Variants in ARID1B observed in about 807,000 individuals in gnomAD.
The protein encoded by ARID1B is AT-rich interactive domain-containing protein 1B.
Under a neutral mutation model 212.3 loss-of-function variants are expected in ARID1B, and 30 were observed. The ratio of observed to expected loss-of-function variants is 0.14; its 90% CI spans 0.11 to 0.19. ARID1B has a LOEUF of 0.19. Ranked by LOEUF, ARID1B falls within the 10% of genes least tolerant of loss-of-function variation. The pLI is 1.00. For synonymous variants in ARID1B, 1,402 were observed against 1,301.7 expected (o/e 1.08, Z -1.66); for missense variants, 2,891 against 3,204.0 (o/e 0.90, Z 2.36).
intron 6 of ARID1B, among the ~76,000 whole-genome samples, chr6:157,127,805 A>AC (rs1188621241): frequency 7.0e-5 from 10 of 143,540 alleles, no homozygotes; most frequent in Non-Finnish European, 1.0e-4. Flanking sequence ...AAAAAAAAAA[A>AC]ACAAAAATTA....
At chr6:156,989,231 T>C (rs574863050) in intron 4 of ARID1B, among the ~76,000 whole-genome samples, 3 of 152,198 alleles carry the variant, frequency 2.0e-5, no homozygotes, top group Non-Finnish European at 4.4e-5. Flanking sequence ...CCACACTATG[T>C]CTCTACTCCC....
chr6:156,825,090 C>G (rs1174872864), intron 1 of ARID1B, among the ~76,000 whole-genome samples: 2 of 152,120 alleles, frequency 1.3e-5, no homozygotes, highest in Non-Finnish European at 2.9e-5. Flanking sequence ...GTCTTGAACT[C>G]CTGAGCTCAG....
intron 1 of ARID1B, among the ~76,000 whole-genome samples, chr6:156,821,561 C>T (rs1352951857): frequency 2.0e-5 from 3 of 152,212 alleles, no homozygotes; most frequent in Non-Finnish European, 4.4e-5. Flanking sequence ...ATGTACATCA[C>T]TTACGGACCC....
intron 3 of ARID1B, among the ~76,000 whole-genome samples, chr6:156,908,790 A>G (rs1789617902): frequency 6.6e-6 from 1 of 151,906 alleles, no homozygotes. Flanking sequence ...CTGGGTTTGC[A>G]TTCTGTTTCC....
chr6:156,922,991 C>T (rs1265275832), intron 3 of ARID1B, among the ~76,000 whole-genome samples: 1 of 152,164 alleles, frequency 6.6e-6, no homozygotes, highest in Non-Finnish European at 1.5e-5. Flanking sequence ...GGCTTGGGTT[C>T]TTGGAGCAAG....
At position 156,778,101 on chromosome 6, in the gene ARID1B, G is replaced by A. The variant is rs772615576; in HGVS notation, c.421G>A (p.Ala141Thr). 1.5e-5 allele frequency: 23 copies of A among 1,540,714 alleles called. No homozygotes were observed. In the South Asian group the frequency reaches 2.5e-4, roughly 17 times the overall value. The part of the protein sequence containing the change: ...SSSSSSGPGS[A>T]METGLLPNHK... Reference sequence around the variant, plus strand: ...TTCCTCCTCGTCGGGCCCGGGCTCGGCCATGGAGACGGGGCTGCTCCCCAA... The same window carrying A: ...TTCCTCCTCGTCGGGCCCGGGCTCGACCATGGAGACGGGGCTGCTCCCCAA... Residue 141 changes from alanine (A) to threonine (T), a missense_variant, in exon 1 of 20, where the codon GCC becomes ACC. By Grantham distance (58) the Ala-to-Thr change is moderately conservative (BLOSUM62 0). Transcript: ENST00000636930.
At chr6:156,992,489 AT>A (rs1778327458) in intron 4 of ARID1B, among the ~76,000 whole-genome samples, 2 of 152,186 alleles carry the variant, frequency 1.3e-5, no homozygotes, top group African/African-American at 4.8e-5. Flanking sequence ...GTTCTAAGAT[AT>A]GTGTTTTCAG....
In ARID1B at chr6:157,203,374, C is replaced by A. The variant is rs1794236514; in HGVS notation, c.5264-492C>A. On this transcript the variant is annotated intron_variant, in intron 18 of 19. Coordinates refer to ENST00000636930, the MANE Select transcript of ARID1B (RefSeq NM_001374828.1). The surrounding 1 kb of genome is among the most constrained non-coding windows in gnomAD (Gnocchi z 4.4). The stretch of plus-strand genomic sequence containing the variant: ...GACTAGAGGAAAGCAGCCTGGGAAG[C>A]CAAGGCCGTGTGTCTGAGGAGGCTG... 6.6e-6 allele frequency among the ~76,000 whole-genome samples: 1 copy of A among 152,216 alleles called. No homozygotes were observed.
At chr6:156,921,066 C>A (rs1202676615) in intron 3 of ARID1B, among the ~76,000 whole-genome samples, 2 of 151,958 alleles carry the variant, frequency 1.3e-5, no homozygotes, top group African/African-American at 4.8e-5. Flanking sequence ...TTACCAGTTG[C>A]CAAATATTTG....
chr6:157,000,960 G>T (rs904233243), intron 4 of ARID1B, among the ~76,000 whole-genome samples: 1 of 152,014 alleles, frequency 6.6e-6, no homozygotes, highest in Admixed American at 6.5e-5. Flanking sequence ...CTCCAAAAGG[G>T]CTGGTATTAC....
intron 4 of ARID1B, among the ~76,000 whole-genome samples, chr6:156,971,740 C>G (rs776449148): frequency 5.3e-5 from 8 of 152,174 alleles, no homozygotes; most frequent in Non-Finnish European, 1.2e-4. Context: ...CTGTGGAGCT[C>G]ATGGCACCTT....
intron 2 of ARID1B, among the ~76,000 whole-genome samples, chr6:156,829,900 A>G (rs988451685): frequency 4.0e-5 from 6 of 151,790 alleles, no homozygotes; most frequent in Admixed American, 3.3e-4. Context: ...TTCTTAAATT[A>G]TTTCTTCTGT....
At chr6:156,854,227 C>T (rs1784762958) in intron 2 of ARID1B, among the ~76,000 whole-genome samples, 1 of 152,164 alleles carries the variant, frequency 6.6e-6, no homozygotes, top group Admixed American at 6.5e-5. Context: ...AGTACCTGTT[C>T]CTACCCCCTC....
chr6:157,123,434 C>G lies in ARID1B; in HGVS notation c.2582-9594C>G, dbSNP rs1787914708. 2.0e-5 allele frequency among the ~76,000 whole-genome samples: 3 copies of G among 152,350 alleles called. No individual in the cohort carries two copies. The South Asian group carries it at 6.2e-4, about 32-fold the overall frequency. On this transcript the variant is annotated intron_variant, in intron 6 of 19. Transcript: ENST00000636930. ...TTCTGGAACCATTTATCTGGAAGGG[C>G]ACAGGACTTTCTGCATAGTGAGCTA...
intron 3 of ARID1B, among the ~76,000 whole-genome samples, chr6:156,908,779 C>G (rs2128222656): frequency 6.6e-6 from 1 of 151,844 alleles, no homozygotes; most frequent in South Asian, 2.1e-4. Context: ...TTTATTGAGG[C>G]CTGGGTTTGC....
chr6:156,977,945 G>A (rs969612051), intron 4 of ARID1B, among the ~76,000 whole-genome samples: 1 of 152,122 alleles, frequency 6.6e-6, no homozygotes, highest in Non-Finnish European at 1.5e-5. Flanking sequence ...TTCCTCCCAA[G>A]GGCTCTGCGT....
chr6:157,094,835 G>A lies in ARID1B; in HGVS notation c.2491+9930G>A, dbSNP rs886122386. 2.0e-5 allele frequency among the ~76,000 whole-genome samples: 3 copies of A among 152,174 alleles called. No homozygotes were observed. The highest frequency in any genetic ancestry group is 4.8e-5 in the African/African-American group (2 of 41,408). On this transcript the variant is annotated intron_variant, in intron 5 of 19. Coordinates refer to ENST00000636930, the MANE Select transcript of ARID1B (RefSeq NM_001374828.1). This position sits in a 1 kb window ranked among gnomAD's most constrained non-coding sequence, Gnocchi z 4.3. ...GTAACCACGCGGAGTGTTGATGGCC[G>A]CTTGGATGTGCACATAGCGGGAGTA...
chr6:156,854,712 G>A (rs913731784), intron 2 of ARID1B, among the ~76,000 whole-genome samples: 1 of 152,254 alleles, frequency 6.6e-6, no homozygotes, highest in Non-Finnish European at 1.5e-5. Context: ...CTAGATACCA[G>A]CTAACACTGT....
At chr6:156,991,340 C>T (rs1368707234) in intron 4 of ARID1B, among the ~76,000 whole-genome samples, 1 of 152,226 alleles carries the variant, frequency 6.6e-6, no homozygotes, top group East Asian at 1.9e-4. Flanking sequence ...AAGTGATTCT[C>T]TTGCCTCAGC....
Sources: gnomAD v4.1 joint callset for allele counts (sites outside exome capture counted in the v4.1 genomes callset) on GRCh38, gnomAD v4.1.1 for gene constraint, Gnocchi (gnomAD v3.1) non-coding constraint, MANE v1.5 for transcripts, NCBI Gene and HGNC (gene_info 2026-07-23, HGNC 2026-07-21) for gene names.